EYS: variants seen among roughly 807,000 people sequenced by gnomAD.
EYS encodes the protein EGF-like photoreceptor maintenance factor.
In EYS, 250 loss-of-function variants were observed where a neutral mutation model predicts 282.1. The ratio of observed to expected loss-of-function variants is 0.89; its 90% CI spans 0.80 to 0.98. EYS has a LOEUF of 0.98. Among genes scored for constraint, EYS ranks in the 50% least tolerant of loss-of-function variants. EYS has a pLI of 0.00. For synonymous variants in EYS, 1,355 were observed against 1,282.9 expected (o/e 1.06, Z -1.20); for missense variants, 4,016 against 3,709.0 (o/e 1.08, Z -2.15).
chr6:65,088,556 G>A (rs1184297067), intron 12 of EYS, among the ~76,000 whole-genome samples: 2 of 152,184 alleles, frequency 1.3e-5, no homozygotes, highest in Non-Finnish European at 2.9e-5. Context: ...TCTGGCAGAA[G>A]AAATTTCTAA....
chr6:64,208,744 A>G (rs4529287), intron 31 of EYS, among the ~76,000 whole-genome samples: 47,135 of 151,972 alleles, frequency 0.31, 7,360 homozygotes, highest in East Asian at 0.5. Flanking sequence ...TAAGTATATT[A>G]TTAATTTAAG....
At chr6:64,581,304 G>A (rs1374892989) in intron 26 of EYS, among the ~76,000 whole-genome samples, 1 of 151,934 alleles carries the variant, frequency 6.6e-6, no homozygotes, top group Admixed American at 6.6e-5. Flanking sequence ...GAGTAGGGAA[G>A]GAAATTACAA....
At chr6:65,003,250 GC>G (rs1214647885) in intron 13 of EYS, among the ~76,000 whole-genome samples, 3 of 147,086 alleles carry the variant, frequency 2.0e-5, no homozygotes, top group African/African-American at 7.3e-5. Flanking sequence ...CTCTGAACTG[GC>G]CCCCCTGGGC....
chr6:63,807,281 A>T (rs1388916823), intron 36 of EYS, among the ~76,000 whole-genome samples: 1 of 152,172 alleles, frequency 6.6e-6, no homozygotes, highest in East Asian at 1.9e-4. Context: ...TTGGTTGGGG[A>T]CAGCTCGGTT....
intron 36 of EYS, among the ~76,000 whole-genome samples, chr6:63,860,566 A>T (rs992670242): frequency 3.9e-5 from 6 of 152,224 alleles, no homozygotes; most frequent in Admixed American, 6.5e-5. Context: ...GAGTGAAATC[A>T]CGCACAAGTT....
At chr6:64,176,373 G>T (rs1319616475) in intron 31 of EYS, among the ~76,000 whole-genome samples, 2 of 152,042 alleles carry the variant, frequency 1.3e-5, no homozygotes, top group Non-Finnish European at 2.9e-5. Flanking sequence ...CAGAAAAAAG[G>T]CAATTCGAGT....
rs770840726 is a variant in EYS, at chr6:63,720,660, A to C, written c.9371T>G (p.Ile3124Ser). 1.9e-6 allele frequency: 3 copies of C among 1,539,862 alleles called. No homozygotes were observed. In the African/African-American group the frequency reaches 4.1e-5, roughly 21 times the overall value. Residue 3124 changes from isoleucine to serine, a missense_variant, in exon 43 of 43, where the codon ATT (isoleucine) becomes AGT (serine). Transcript: ENST00000503581. ...GTATCCTTCTAATTTAATTAGTTCA[A>C]TGTTTTTTGGTTCCTGAAAAAATAC... ...DVVFFQEPKN[I>S]ELIKLEGYNV...
intron 11 of EYS, among the ~76,000 whole-genome samples, chr6:65,306,219 C>A (rs1769000172): frequency 6.6e-6 from 1 of 152,128 alleles, no homozygotes; most frequent in Non-Finnish European, 1.5e-5. Context: ...CATGTTGGCT[C>A]CTAAGGAACT....
At chr6:64,412,358 C>T (rs1405763291) in intron 28 of EYS, among the ~76,000 whole-genome samples, 1 of 151,988 alleles carries the variant, frequency 6.6e-6, no homozygotes, top group Non-Finnish European at 1.5e-5. Context: ...TGTTCCCAAA[C>T]AAATAATGAA....
In EYS at chr6:65,609,336, CA is replaced by C. The variant is rs34304600; in HGVS notation, c.-333+30441del. ...TACAACTGTACGTATCCAAGATAGC[CA>C]AAAAAAAAAAAAATCTAATACTAAC... On this transcript the variant is annotated intron_variant, in intron 2 of 42. Coordinates refer to ENST00000503581, the MANE Select transcript of EYS (RefSeq NM_001142800.2). 1.4e-3 allele frequency among the ~76,000 whole-genome samples: 204 copies of C among 143,052 alleles called. 1 individual carries two copies. The highest frequency in any genetic ancestry group is 6.7e-3 in the East Asian group (32 of 4,794). 93.8% of individuals were successfully genotyped at this position (143,052 alleles called of 152,430 possible). A position where few individuals can be genotyped will look rare whatever the true frequency, so the allele number is the denominator to read the frequency against.
chr6:64,164,674 C>T (rs1029470392), intron 31 of EYS, among the ~76,000 whole-genome samples: 2 of 152,024 alleles, frequency 1.3e-5, no homozygotes, highest in African/African-American at 2.4e-5. Flanking sequence ...TTTATGATTT[C>T]CCATTAGTAT....
intron 5 of EYS, among the ~76,000 whole-genome samples, chr6:65,434,692 T>C (rs1008326709): frequency 2.0e-5 from 3 of 151,976 alleles, no homozygotes; most frequent in Non-Finnish European, 4.4e-5. Context: ...AGAGGCTGCA[T>C]AGCGCCTAAA....
At chr6:65,366,919 T>A (rs1244594368) in intron 8 of EYS, among the ~76,000 whole-genome samples, 2 of 151,682 alleles carry the variant, frequency 1.3e-5, no homozygotes, top group Non-Finnish European at 2.9e-5. Flanking sequence ...TCATATCACC[T>A]TCTCTGTCTC....
At chr6:64,835,265 C>G (rs1327335872) in intron 19 of EYS, among the ~76,000 whole-genome samples, 1 of 151,590 alleles carries the variant, frequency 6.6e-6, no homozygotes, top group Admixed American at 6.6e-5. Context: ...AAGGTACTTT[C>G]CTAAGTATTA....
intron 12 of EYS, 136 bp downstream of exon 12, chr6:65,295,727 T>C (rs200041546): frequency 2.6e-6 from 2 of 766,202 alleles, no homozygotes; most frequent in Admixed American, 6.1e-5. Context: ...TTTTTTTTTT[T>C]ACTTTGCCAA....
intron 41 of EYS, among the ~76,000 whole-genome samples, chr6:63,757,115 G>T (rs1381953444): frequency 6.6e-6 from 1 of 152,076 alleles, no homozygotes; most frequent in Non-Finnish European, 1.5e-5. Flanking sequence ...TTTTCTTCTT[G>T]CAGAGAGCCT....
chr6:64,261,027 A>G (rs1190153294), intron 30 of EYS, among the ~76,000 whole-genome samples: 3 of 151,902 alleles, frequency 2.0e-5, no homozygotes. Context: ...TTGTGTTCGG[A>G]ATATTCCAAT....
intron 31 of EYS, among the ~76,000 whole-genome samples, chr6:64,121,535 G>A (rs1235851677): frequency 6.6e-6 from 1 of 152,064 alleles, no homozygotes; most frequent in East Asian, 1.9e-4. Context: ...GTGGCCTAAT[G>A]GTAAAGAAAT....
chr6:65,438,542 C>T (rs1372312124), intron 5 of EYS, among the ~76,000 whole-genome samples: 11 of 152,014 alleles, frequency 7.2e-5, no homozygotes, highest in Non-Finnish European at 1.5e-4. Flanking sequence ...TTTTAATGAT[C>T]GCCATTCTAA....
Sources: allele counts gnomAD v4.1 joint callset (sites outside exome capture counted in the v4.1 genomes callset), GRCh38; gene constraint gnomAD v4.1.1; transcripts MANE v1.5; gene names NCBI Gene and HGNC (gene_info 2026-07-23, HGNC 2026-07-21).